PRKCB: variants seen among roughly 807,000 people sequenced by gnomAD.
The protein encoded by PRKCB is protein kinase C beta, also known as protein kinase C beta type.
PRKCB carries 13 observed loss-of-function variants against 81.5 expected under a neutral mutation model. The observed-to-expected ratio is 0.16, with a 90% confidence interval of 0.10 to 0.25. The LOEUF (loss-of-function observed/expected upper bound fraction) is 0.25. Among genes scored for constraint, PRKCB ranks in the 10% least tolerant of loss-of-function variants. The pLI, the probability that PRKCB is intolerant of heterozygous loss-of-function variation, is 1.00. For missense variants in PRKCB, 509 were observed against 875.7 expected, an observed-to-expected ratio of 0.58 and a Z score of 5.29; for synonymous variants, 335 against 321.4, an observed-to-expected ratio of 1.04 and a Z score of -0.45.
chr16:24,125,301 C>G (rs562785305), intron 9 of PRKCB, among the ~76,000 whole-genome samples: 44 of 139,904 alleles, frequency 3.1e-4, no homozygotes, highest in Middle Eastern at 7.4e-3. Context: ...TAGCTTGTAT[C>G]ACCCTTTATC....
At chr16:24,025,517 G>A (rs1323842169) in intron 3 of PRKCB, among the ~76,000 whole-genome samples, 2 of 152,202 alleles carry the variant, frequency 1.3e-5, no homozygotes, top group South Asian at 4.1e-4. Context: ...TACAGTTTAT[G>A]CCCTGAGAGT....
intron 2 of PRKCB, among the ~76,000 whole-genome samples, chr16:23,899,177 C>T (rs996331433): frequency 2.0e-5 from 3 of 152,198 alleles, no homozygotes; most frequent in Admixed American, 2.0e-4. Flanking sequence ...AGTGCTTCTC[C>T]CTCCGCTCCC....
At chr16:24,162,180 T>G (rs73550970) in intron 10 of PRKCB, among the ~76,000 whole-genome samples, 3,164 of 152,182 alleles carry the variant, frequency 0.021, 94 homozygotes, top group African/African-American at 0.072. Flanking sequence ...AGGACAGGGA[T>G]GGGGTGAGGA....
In PRKCB at chr16:24,177,426, C is replaced by G. The variant is rs980888966; in HGVS notation, c.1394+2846C>G. Among the ~76,000 whole-genome samples the G allele has an allele frequency of 7.2e-5, 11 of 152,154 alleles. 1 individual carries two copies. In the South Asian group the frequency reaches 2.1e-3, roughly 29 times the overall value. On this transcript the variant is annotated intron_variant, in intron 12 of 16. Coordinates refer to ENST00000643927, the MANE Select transcript of PRKCB (RefSeq NM_002738.7). ...GTATTTATCAATCTTTTAAGCCAGT[C>G]TGCATCTGAACCCTTCTTTTGTGTA...
chr16:24,078,884 G>C (rs959236291), intron 5 of PRKCB, among the ~76,000 whole-genome samples: 1 of 152,092 alleles, frequency 6.6e-6, no homozygotes, highest in African/African-American at 2.4e-5. Flanking sequence ...CTGGGTTTAG[G>C]GGGTCATAAA....
At chr16:23,898,108 C>T (rs1963410078) in intron 2 of PRKCB, among the ~76,000 whole-genome samples, 1 of 151,374 alleles carries the variant, frequency 6.6e-6, no homozygotes, top group African/African-American at 2.4e-5. Flanking sequence ...CTCTGTCGCC[C>T]AGGCCAGAGT....
intron 16 of PRKCB, among the ~76,000 whole-genome samples, chr16:24,201,028 C>T (rs949789088): frequency 6.6e-6 from 1 of 152,180 alleles, no homozygotes; most frequent in African/African-American, 2.4e-5. Flanking sequence ...GGTTGGTAGC[C>T]GTCAGCTTCT....
intron 8 of PRKCB, among the ~76,000 whole-genome samples, chr16:24,114,112 G>A (rs1023065036): frequency 2.0e-5 from 3 of 150,500 alleles, no homozygotes; most frequent in Admixed American, 1.3e-4. Flanking sequence ...CCAGCTACTC[G>A]GAAGGCTGAG....
chr16:23,960,176 T>G (rs891154372), intron 2 of PRKCB, among the ~76,000 whole-genome samples: 2 of 152,184 alleles, frequency 1.3e-5, no homozygotes, highest in African/African-American at 4.8e-5. Flanking sequence ...AGAGTTGTAT[T>G]AAGCTCCAGT....
chr16:24,077,198 C>G (rs1277092117), intron 5 of PRKCB, among the ~76,000 whole-genome samples: 1 of 151,946 alleles, frequency 6.6e-6, no homozygotes, highest in African/African-American at 2.4e-5. Context: ...GTGTGTGTGT[C>G]TGTGTGTCTA....
chr16:23,849,307 G>C (rs557175236), intron 2 of PRKCB, among the ~76,000 whole-genome samples: 2 of 152,356 alleles, frequency 1.3e-5, no homozygotes, highest in Admixed American at 6.5e-5. Context: ...GGTTGAAGAA[G>C]CTGACAGATA....
At chr16:24,188,669 T>C (rs977867798) in intron 15 of PRKCB, among the ~76,000 whole-genome samples, 1 of 151,486 alleles carries the variant, frequency 6.6e-6, no homozygotes, top group African/African-American at 2.4e-5. Context: ...GAAGCCCAAA[T>C]AGACAGGACC....
chr16:24,152,469 G>A (rs1967095011), intron 9 of PRKCB, among the ~76,000 whole-genome samples: 1 of 152,166 alleles, frequency 6.6e-6, no homozygotes. Context: ...TCAGCACCAA[G>A]CCCTTCTTAC....
chr16:24,198,547 A>G (rs181242567), intron 16 of PRKCB, among the ~76,000 whole-genome samples: 4 of 152,280 alleles, frequency 2.6e-5, no homozygotes, highest in Non-Finnish European at 4.4e-5. Context: ...TTAATTGCCC[A>G]GGCTGGTGTC....
At chr16:23,976,277 G>T (rs1964624043) in intron 2 of PRKCB, among the ~76,000 whole-genome samples, 1 of 152,028 alleles carries the variant, frequency 6.6e-6, no homozygotes, top group African/African-American at 2.4e-5. Flanking sequence ...CACCTTGGGT[G>T]ACAGAGTGAG....
chr16:24,048,841 G>A (rs897402846), intron 5 of PRKCB, among the ~76,000 whole-genome samples: 3 of 151,940 alleles, frequency 2.0e-5, no homozygotes, highest in African/African-American at 4.8e-5. Flanking sequence ...CTCTACAAGC[G>A]TTCCTTCAGG....
At chr16:24,003,346 T>C (rs1965065873) in intron 3 of PRKCB, among the ~76,000 whole-genome samples, 3 of 151,896 alleles carry the variant, frequency 2.0e-5, no homozygotes, top group Non-Finnish European at 4.4e-5. Flanking sequence ...CATGGAAAGA[T>C]GGCAACCCTA....
At chr16:23,927,965 G>A (rs954369866) in intron 2 of PRKCB, among the ~76,000 whole-genome samples, 4 of 151,774 alleles carry the variant, frequency 2.6e-5, no homozygotes, top group African/African-American at 9.7e-5. Flanking sequence ...CACATCAGTA[G>A]TCATTGCAGT....
chr16:23,975,980 T>A (rs1964620047), intron 2 of PRKCB, among the ~76,000 whole-genome samples: 1 of 152,218 alleles, frequency 6.6e-6, no homozygotes, highest in Admixed American at 6.5e-5. Flanking sequence ...ATGGGGCATC[T>A]CTTGGCTCAG....
Sources: allele counts gnomAD v4.1 joint callset (sites outside exome capture counted in the v4.1 genomes callset), GRCh38; gene constraint gnomAD v4.1.1; transcripts MANE v1.5; gene names NCBI Gene and HGNC (gene_info 2026-07-23, HGNC 2026-07-21).